PTPRD: variants seen among roughly 807,000 people sequenced by gnomAD.
PTPRD encodes protein tyrosine phosphatase receptor type D.
PTPRD carries 34 observed loss-of-function variants against 214.5 expected under a neutral mutation model. The observed-to-expected ratio is 0.16, with a 90% confidence interval of 0.12 to 0.21. The LOEUF (loss-of-function observed/expected upper bound fraction) is 0.21, where lower values mean the gene tolerates loss of function less well. Ranked by LOEUF, PTPRD falls within the 10% of genes least tolerant of loss-of-function variation. The pLI, the probability that PTPRD is intolerant of heterozygous loss-of-function variation, is 1.00. For synonymous variants in PTPRD, 1,128 were observed against 845.7 expected (o/e 1.33, Z -5.79); for missense variants, 2,545 against 2,398.7 (o/e 1.06, Z -1.27).
chr9:9,244,187 A>G (rs1569565530), intron 9 of PTPRD, among the ~76,000 whole-genome samples: 2 of 152,178 alleles, frequency 1.3e-5, no homozygotes, highest in Non-Finnish European at 2.9e-5. Context: ...GGAAGAATCA[A>G]TATCGTGAAA....
intron 3 of PTPRD, among the ~76,000 whole-genome samples, chr9:10,091,952 C>A (rs2098436310): frequency 6.6e-6 from 1 of 151,264 alleles, no homozygotes; most frequent in Non-Finnish European, 1.5e-5. Flanking sequence ...AGTAGTAGTA[C>A]AGTACAAGGT....
intron 5 of PTPRD, among the ~76,000 whole-genome samples, chr9:9,902,416 G>T (rs1378324435): frequency 6.6e-6 from 1 of 151,804 alleles, no homozygotes; most frequent in African/African-American, 2.4e-5. Context: ...TTTTCTGCCG[G>T]TGCTCTACTT....
At chr9:10,080,524 C>A (rs1186253648) in intron 3 of PTPRD, among the ~76,000 whole-genome samples, 1 of 152,054 alleles carries the variant, frequency 6.6e-6, no homozygotes, top group Non-Finnish European at 1.5e-5. Flanking sequence ...CAAGCTTAAA[C>A]TGCTTAAACT....
intron 32 of PTPRD, among the ~76,000 whole-genome samples, chr9:8,462,496 C>G (rs1357016475): frequency 6.6e-6 from 1 of 152,004 alleles, no homozygotes; most frequent in Admixed American, 6.6e-5. Flanking sequence ...ACGTAGATAA[C>G]TTAGCATGGT....
chr9:8,520,877 A>G (rs1339138988), intron 20 of PTPRD, among the ~76,000 whole-genome samples: 1 of 151,724 alleles, frequency 6.6e-6, no homozygotes, highest in Non-Finnish European at 1.5e-5. Flanking sequence ...TTTCCTTTGT[A>G]TTTAGAAATT....
chr9:10,187,324 A>C (rs1474641068), intron 3 of PTPRD, among the ~76,000 whole-genome samples: 1 of 152,280 alleles, frequency 6.6e-6, no homozygotes, highest in East Asian at 1.9e-4. Context: ...TTTACCAAAA[A>C]CTGAGAGGTA....
At chr9:10,243,578 C>G (rs1321868896) in intron 3 of PTPRD, among the ~76,000 whole-genome samples, 1 of 151,874 alleles carries the variant, frequency 6.6e-6, no homozygotes, top group African/African-American at 2.4e-5. Flanking sequence ...TAAGATCCAC[C>G]CTTCACACTG....
intron 8 of PTPRD, among the ~76,000 whole-genome samples, chr9:9,520,049 T>C (rs927309044): frequency 1.3e-5 from 2 of 152,022 alleles, no homozygotes; most frequent in South Asian, 2.1e-4. Flanking sequence ...CTTCAAAACA[T>C]TGGTAGTTCA....
intron 3 of PTPRD, among the ~76,000 whole-genome samples, chr9:10,075,361 A>G (rs1002580670): frequency 1.3e-5 from 2 of 152,098 alleles, no homozygotes; most frequent in African/African-American, 2.4e-5. Context: ...AACAGATTCA[A>G]AACATATCTA....
At chr9:8,503,855 T>C (rs1034821150) in intron 23 of PTPRD, among the ~76,000 whole-genome samples, 1 of 152,196 alleles carries the variant, frequency 6.6e-6, no homozygotes, top group Non-Finnish European at 1.5e-5. Context: ...GCCTGTGTGC[T>C]TAAAAAAATA....
chr9:9,670,347 G>A (rs1033953476), intron 7 of PTPRD, among the ~76,000 whole-genome samples: 16 of 152,108 alleles, frequency 1.1e-4, no homozygotes, highest in Non-Finnish European at 1.9e-4. Context: ...GCCATTAAAG[G>A]CTTTTAGTTT....
intron 5 of PTPRD, among the ~76,000 whole-genome samples, chr9:9,918,280 A>T (rs114306064): frequency 0.014 from 2,163 of 151,528 alleles, 58 homozygotes; most frequent in African/African-American, 0.05. Flanking sequence ...AAAGTAATCA[A>T]GAAAACTATC....
At chr9:9,280,932 A>G (rs1203264617) in intron 9 of PTPRD, among the ~76,000 whole-genome samples, 1 of 151,258 alleles carries the variant, frequency 6.6e-6, no homozygotes, top group African/African-American at 2.4e-5. Flanking sequence ...CAAATAGATC[A>G]ATGGAACAGA....
chr9:10,160,055 T>A (rs960391522), intron 3 of PTPRD, among the ~76,000 whole-genome samples: 3 of 151,804 alleles, frequency 2.0e-5, no homozygotes, highest in Non-Finnish European at 4.4e-5. Context: ...GCTGAATGGA[T>A]AAAGAAACAA....
chr9:9,205,401 T>C (rs2099944216), intron 9 of PTPRD, among the ~76,000 whole-genome samples: 1 of 152,174 alleles, frequency 6.6e-6, no homozygotes. Flanking sequence ...AGCATGATCA[T>C]GTATATCTAA....
At chr9:10,088,704 T>A (rs986118990) in intron 3 of PTPRD, among the ~76,000 whole-genome samples, 4 of 151,908 alleles carry the variant, frequency 2.6e-5, no homozygotes, top group African/African-American at 9.6e-5. Context: ...TCCTTGTTTA[T>A]AAAATAGACA....
chr9:8,595,710 T>C (rs2094441980), intron 14 of PTPRD, among the ~76,000 whole-genome samples: 1 of 152,224 alleles, frequency 6.6e-6, no homozygotes, highest in Non-Finnish European at 1.5e-5. Flanking sequence ...TTTAGAATTA[T>C]TTACTAAGTT....
intron 14 of PTPRD, among the ~76,000 whole-genome samples, chr9:8,593,946 G>C (rs1340732184): frequency 1.3e-5 from 2 of 152,074 alleles, no homozygotes; most frequent in Non-Finnish European, 2.9e-5. Context: ...TTTCCCAGTA[G>C]GATACATATA....
intron 3 of PTPRD, among the ~76,000 whole-genome samples, chr9:10,107,534 A>C (rs1368264005): frequency 6.6e-6 from 1 of 152,114 alleles, no homozygotes; most frequent in Non-Finnish European, 1.5e-5. Flanking sequence ...CCTGTTCTTA[A>C]GCAATCTCAT....
Sources: allele counts gnomAD v4.1 joint callset (sites outside exome capture counted in the v4.1 genomes callset), GRCh38; gene constraint gnomAD v4.1.1; transcripts MANE v1.5; gene names NCBI Gene and HGNC (gene_info 2026-07-23, HGNC 2026-07-21).